Variants in UNKL observed in about 807,000 individuals in gnomAD.
UNKL encodes the protein unk like zinc finger, also known as putative E3 ubiquitin-protein ligase UNKL.
UNKL carries 60 observed loss-of-function variants against 78.0 expected under a neutral mutation model. That is an observed-to-expected ratio of 0.77 (90% CI 0.63 to 0.95). The LOEUF (loss-of-function observed/expected upper bound fraction) is 0.95. UNKL is among the 40% of genes least tolerant of loss of function. UNKL has a pLI of 0.00. For missense variants in UNKL, 1,159 were observed against 1,045.7 expected, an observed-to-expected ratio of 1.11 and a Z score of -1.49; for synonymous variants, 608 against 474.8, an observed-to-expected ratio of 1.28 and a Z score of -3.65.
chr16:1,372,910 CCG>C (rs1226911294), intron 10 of UNKL, among the ~76,000 whole-genome samples: 44 of 87,320 alleles, frequency 5.0e-4, no homozygotes, highest in African/African-American at 9.3e-4. Context: ...CCGGCCAACA[CCG>C]CACAGAGACC....
intron 2 of UNKL, among the ~76,000 whole-genome samples, chr16:1,409,392 A>C (rs1228079671): frequency 1.1e-5 from 1 of 92,198 alleles, no homozygotes. Flanking sequence ...CCGTGGAATG[A>C]AGGATAATTA....
In UNKL at chr16:1,366,145, C is replaced by A. The variant is rs987497444; in HGVS notation, c.*95G>T. On this transcript the variant is annotated 3_prime_UTR_variant, in exon 15 of 15. Transcript: ENST00000389221. ...GAAGGGCTCCCAGCCTCGGTCCTCA[C>A]GTCGGTGGCACCAGAAGCGAGTGAC... 8.8e-6 allele frequency: 12 copies of A among 1,360,936 alleles called. No individual in the cohort carries two copies. Among genetic ancestry groups the A allele is most frequent in the Non-Finnish European group, 1.1e-5 (11 of 1,042,930 alleles). The allele number at this position is 1,360,936 out of a possible 1,614,324, so 84.3% of individuals were successfully genotyped here.
intron 10 of UNKL, among the ~76,000 whole-genome samples, chr16:1,377,367 C>G (rs1030774968): frequency 1.5e-4 from 23 of 152,008 alleles, no homozygotes; most frequent in African/African-American, 5.3e-4. Context: ...GACATGGGGG[C>G]CCACCTGCAG....
chr16:1,377,567 G>A (rs889899025), intron 10 of UNKL, among the ~76,000 whole-genome samples: 7 of 151,660 alleles, frequency 4.6e-5, no homozygotes, highest in East Asian at 1.9e-4. Flanking sequence ...CCGCTGCCCC[G>A]GGCCCTTCCC....
At chr16:1,371,013 G>A (rs2035778110) in intron 11 of UNKL, among the ~76,000 whole-genome samples, 3 of 151,342 alleles carry the variant, frequency 2.0e-5, no homozygotes, top group Admixed American at 2.0e-4. Flanking sequence ...AACCCGGGAG[G>A]TGGAGCTTGC....
intron 12 of UNKL, among the ~76,000 whole-genome samples, chr16:1,369,358 C>T (rs549623062): frequency 8.9e-4 from 134 of 151,268 alleles, no homozygotes; most frequent in African/African-American, 2.7e-3. Context: ...TGAGCCACCA[C>T]GCCGGGCCTT....
intron 12 of UNKL, among the ~76,000 whole-genome samples, chr16:1,368,451 A>G (rs896025116): frequency 1.3e-5 from 2 of 151,738 alleles, no homozygotes; most frequent in African/African-American, 4.8e-5. Context: ...AAATACAAAA[A>G]ATTAGCCAGG....
intron 2 of UNKL, among the ~76,000 whole-genome samples, chr16:1,412,712 G>A (rs892123705): frequency 1.6e-4 from 24 of 152,198 alleles, no homozygotes; most frequent in African/African-American, 5.3e-4. Flanking sequence ...ATTCTACAGC[G>A]TGAATATTCT....
intron 2 of UNKL, among the ~76,000 whole-genome samples, chr16:1,406,785 G>C (rs2037783067): frequency 6.6e-6 from 1 of 152,034 alleles, no homozygotes; most frequent in African/African-American, 2.4e-5. Flanking sequence ...CTACGCCTTA[G>C]GTCCTAAGGC....
intron 10 of UNKL, chr16:1,379,579 T>G: frequency 1.0e-6 from 1 of 984,838 alleles, no homozygotes; most frequent in Middle Eastern, 5.2e-4. Context: ...GACCGCCGAG[T>G]AACGAGACCC....
At position 1,366,144 on chromosome 16, in the gene UNKL, A is replaced by G; in HGVS notation, c.*96T>C. 7.4e-7 allele frequency: 1 copy of G among 1,355,788 alleles called. No homozygotes were observed. The highest frequency in any genetic ancestry group is 9.6e-7 in the Non-Finnish European group (1 of 1,040,132). The allele number at this position is 1,355,788 out of a possible 1,614,324, so 84.0% of individuals were successfully genotyped here. On this transcript the variant is annotated 3_prime_UTR_variant, in exon 15 of 15. Coordinates refer to ENST00000389221, the MANE Select transcript of UNKL (RefSeq NM_001372107.1). ...GGAAGGGCTCCCAGCCTCGGTCCTCACGTCGGTGGCACCAGAAGCGAGTGA... is the reference window on the plus strand; with the variant it reads ...GGAAGGGCTCCCAGCCTCGGTCCTCGCGTCGGTGGCACCAGAAGCGAGTGA...
At chr16:1,383,587 G>T in intron 10 of UNKL, 1 of 363,866 alleles carries the variant, frequency 2.7e-6, no homozygotes, top group Non-Finnish European at 5.7e-6. Flanking sequence ...CCGCTGGGAA[G>T]AGTCTCTCTC....
intron 10 of UNKL, among the ~76,000 whole-genome samples, chr16:1,379,367 C>G (rs1393619575): frequency 6.6e-6 from 1 of 152,092 alleles, no homozygotes; most frequent in African/African-American, 2.4e-5. Flanking sequence ...GCACCGACCC[C>G]GCCTAGCTAG....
Position 1,375,121 on chromosome 16 carries a change from A to AC in UNKL, c.1265-3511dup, listed in dbSNP as rs1054956841. On this transcript the variant is annotated intron_variant, in intron 10 of 14. Coordinates refer to ENST00000389221, the MANE Select transcript of UNKL (RefSeq NM_001372107.1). The stretch of plus-strand genomic sequence containing the variant: ...CCGAGGCCTGGCGCTCGGCGGTCAC[A>AC]CCCCCCGAGCCCCCCAGGGCAGCCG... Among the ~76,000 whole-genome samples, 22 of 151,758 alleles carry AC rather than the reference A, an allele frequency of 1.4e-4. 1 individual carries two copies. The highest frequency in any genetic ancestry group is 5.3e-4 in the African/African-American group (22 of 41,290).
At chr16:1,410,846 T>C (rs2038009125) in intron 2 of UNKL, among the ~76,000 whole-genome samples, 1 of 152,146 alleles carries the variant, frequency 6.6e-6, no homozygotes, top group South Asian at 2.1e-4. Context: ...ACCAATTCAA[T>C]TATGCACTTT....
chr16:1,366,449 G>C, intron 14 of UNKL, 54 bp from the exon 15 acceptor site: 3 of 1,497,622 alleles, frequency 2.0e-6, no homozygotes, highest in Admixed American at 4.3e-5. Context: ...GGCTGGGCCA[G>C]CTGGGGAGCC....
intron 9 of UNKL, among the ~76,000 whole-genome samples, chr16:1,386,231 A>C (rs557723142): frequency 6.6e-6 from 1 of 152,320 alleles, no homozygotes; most frequent in East Asian, 1.9e-4. Context: ...CAACATGGCG[A>C]AACCCTGTCT....
intron 10 of UNKL, among the ~76,000 whole-genome samples, chr16:1,382,774 G>A (rs547270415): frequency 6.6e-5 from 10 of 151,968 alleles, no homozygotes; most frequent in Admixed American, 2.0e-4. Context: ...CCTGGCCAAC[G>A]TGGTGAAACC....
At chr16:1,384,809 G>A (rs1442941181) in intron 10 of UNKL, among the ~76,000 whole-genome samples, 1 of 152,136 alleles carries the variant, frequency 6.6e-6, no homozygotes, top group Non-Finnish European at 1.5e-5. Flanking sequence ...ATGTTGCCCA[G>A]GCTGGTCTTC....
Sources: gnomAD v4.1 joint callset for allele counts (sites outside exome capture counted in the v4.1 genomes callset) on GRCh38, gnomAD v4.1.1 for gene constraint, MANE v1.5 for transcripts, NCBI Gene and HGNC (gene_info 2026-07-23, HGNC 2026-07-21) for gene names.